Variants in RNF150 observed in about 807,000 individuals in gnomAD.
The protein encoded by RNF150 is ring finger protein 150.
Under a neutral mutation model 39.3 loss-of-function variants are expected in RNF150, and 24 were observed. That is an observed-to-expected ratio of 0.61 (90% CI 0.44 to 0.86). The LOEUF is 0.86. Among genes scored for constraint, RNF150 ranks in the 40% least tolerant of loss-of-function variants. RNF150 has a pLI of 0.00. For synonymous variants in RNF150, 255 were observed against 227.3 expected (o/e 1.12, Z -1.10); for missense variants, 502 against 587.8 (o/e 0.85, Z 1.51).
At chr4:140,923,386 G>C (rs1236014498) in intron 5 of RNF150, among the ~76,000 whole-genome samples, 1 of 152,146 alleles carries the variant, frequency 6.6e-6, no homozygotes, top group African/African-American at 2.4e-5. Flanking sequence ...ACCATCACTG[G>C]CCATCAGAGA....
At chr4:140,989,371 T>G (rs1392467049) in intron 1 of RNF150, among the ~76,000 whole-genome samples, 1 of 152,038 alleles carries the variant, frequency 6.6e-6, no homozygotes, top group African/African-American at 2.4e-5. Flanking sequence ...ATGTAGACAG[T>G]GCTGTGACGA....
chr4:141,042,666 T>C (rs187637862), intron 1 of RNF150, among the ~76,000 whole-genome samples: 1 of 152,262 alleles, frequency 6.6e-6, no homozygotes, highest in Non-Finnish European at 1.5e-5. Context: ...AATATATAAG[T>C]TGAACACTAA....
chr4:140,894,388 T>C (rs139334438), intron 6 of RNF150, among the ~76,000 whole-genome samples: 38 of 152,346 alleles, frequency 2.5e-4, no homozygotes, highest in African/African-American at 9.1e-4. Context: ...GTTAATATAT[T>C]CTGTGACCTT....
intron 1 of RNF150, among the ~76,000 whole-genome samples, chr4:141,019,352 T>C (rs1295581370): frequency 6.6e-6 from 1 of 152,096 alleles, no homozygotes; most frequent in Non-Finnish European, 1.5e-5. Flanking sequence ...ATGGAATTGA[T>C]TTAAAACTAT....
chr4:140,943,824 T>C (rs1423731775), intron 4 of RNF150, among the ~76,000 whole-genome samples: 1 of 152,130 alleles, frequency 6.6e-6, no homozygotes. Context: ...CATTTTTCCT[T>C]AGTTGTGGAG....
intron 1 of RNF150, among the ~76,000 whole-genome samples, chr4:141,100,965 A>G (rs1034938027): frequency 6.6e-6 from 1 of 152,224 alleles, no homozygotes; most frequent in Non-Finnish European, 1.5e-5. Context: ...TAGGGCACTA[A>G]TCATGAATGG....
intron 1 of RNF150, among the ~76,000 whole-genome samples, chr4:141,077,781 T>C (rs1228219835): frequency 1.3e-5 from 2 of 152,268 alleles, no homozygotes; most frequent in Non-Finnish European, 2.9e-5. Context: ...CCAAAGGTTT[T>C]GCTATCCTGG....
intron 2 of RNF150, among the ~76,000 whole-genome samples, chr4:140,960,948 C>T (rs888914658): frequency 5.3e-5 from 8 of 152,162 alleles, no homozygotes; most frequent in Admixed American, 1.3e-4. Context: ...ATCAAGCCTA[C>T]GGGGCTGGCT....
chr4:141,025,893 A>G (rs1383860173), intron 1 of RNF150, among the ~76,000 whole-genome samples: 1 of 152,310 alleles, frequency 6.6e-6, no homozygotes, highest in Non-Finnish European at 1.5e-5. Flanking sequence ...TGAATTTCCA[A>G]TGTGATGATA....
intron 5 of RNF150, among the ~76,000 whole-genome samples, chr4:140,912,332 T>C (rs544069310): frequency 9.8e-5 from 15 of 152,324 alleles, no homozygotes; most frequent in Admixed American, 5.2e-4. Flanking sequence ...TGGAGGAATA[T>C]TGTCTTAAGC....
At chr4:141,183,240 T>A (rs1429924261) in intron 1 of RNF150, among the ~76,000 whole-genome samples, 1 of 152,130 alleles carries the variant, frequency 6.6e-6, no homozygotes, top group Non-Finnish European at 1.5e-5. Flanking sequence ...GGAGGACACT[T>A]CATAAGCTTA....
intron 1 of RNF150, among the ~76,000 whole-genome samples, chr4:141,171,452 C>T (rs1163460672): frequency 9.4e-6 from 1 of 106,612 alleles, no homozygotes; most frequent in Non-Finnish European, 1.8e-5. Flanking sequence ...CTATGAGAGA[C>T]AGACAGAAAG....
At chr4:141,108,749 G>C (rs1739293341) in intron 1 of RNF150, among the ~76,000 whole-genome samples, 1 of 152,142 alleles carries the variant, frequency 6.6e-6, no homozygotes, top group Non-Finnish European at 1.5e-5. Flanking sequence ...TCCGTTAAGG[G>C]ATTTGCCCAA....
chr4:141,095,964 G>A (rs918170511), intron 1 of RNF150, among the ~76,000 whole-genome samples: 1 of 151,998 alleles, frequency 6.6e-6, no homozygotes, highest in African/African-American at 2.4e-5. Flanking sequence ...CAAACATGAT[G>A]TATTTTATAT....
At chr4:140,952,580 C>T (rs1032025592) in intron 2 of RNF150, among the ~76,000 whole-genome samples, 1 of 152,112 alleles carries the variant, frequency 6.6e-6, no homozygotes, top group Non-Finnish European at 1.5e-5. Context: ...ATGAAGGCTG[C>T]CTTTATTTTT....
At position 140,883,004 on chromosome 4, in the gene RNF150, A is replaced by AT. The variant is rs200083686; in HGVS notation, c.1199-14626dup. Among the ~76,000 whole-genome samples the AT allele has an allele frequency of 3.6e-3, 527 of 145,732 alleles. 2 individuals are homozygous for AT. Among genetic ancestry groups the AT allele is most frequent in the East Asian group, 0.018 (89 of 4,942 alleles). On this transcript the variant is annotated intron_variant, in intron 6 of 6. Transcript: ENST00000515673. Reference sequence around the variant, plus strand: ...TGCTGCCTTCTTGTTAGTTTTGTTCATTTTTTTTTGTAGTGCTATATACTT... The same window carrying AT: ...TGCTGCCTTCTTGTTAGTTTTGTTCATTTTTTTTTTGTAGTGCTATATACTT...
intron 1 of RNF150, among the ~76,000 whole-genome samples, chr4:140,992,883 A>C (rs1734245059): frequency 6.6e-6 from 1 of 152,084 alleles, no homozygotes; most frequent in African/African-American, 2.4e-5. Context: ...GTCTAATAAC[A>C]ATGACAGGAC....
intron 1 of RNF150, among the ~76,000 whole-genome samples, chr4:141,057,293 ATAAT>A (rs1560713501): frequency 6.6e-6 from 1 of 151,880 alleles, no homozygotes; most frequent in African/African-American, 2.4e-5. Context: ...TATATTTTAC[ATAAT>A]TAAAATTATG....
intron 1 of RNF150, among the ~76,000 whole-genome samples, chr4:140,979,854 T>G (rs1430622026): frequency 6.6e-6 from 1 of 152,062 alleles, no homozygotes. Context: ...AAATCAATCT[T>G]CAAAGTAAAA....
Sources: gnomAD v4.1 joint callset for allele counts (sites outside exome capture counted in the v4.1 genomes callset) on GRCh38, gnomAD v4.1.1 for gene constraint, MANE v1.5 for transcripts, NCBI Gene and HGNC (gene_info 2026-07-23, HGNC 2026-07-21) for gene names.